LARP1B: variants seen among roughly 807,000 people sequenced by gnomAD.
LARP1B encodes the protein la-related protein 1B.
A neutral mutation model predicts 114.2 loss-of-function variants in LARP1B; 76 were observed. The observed-to-expected ratio is 0.67, with a 90% CI of 0.55 to 0.81. The LOEUF (loss-of-function observed/expected upper bound fraction) is 0.81, where lower values mean the gene tolerates loss of function less well. Ranked by LOEUF, LARP1B falls within the 30% of genes least tolerant of loss-of-function variation. The pLI is 0.00. For synonymous variants in LARP1B, 345 were observed against 348.0 expected (o/e 0.99, Z 0.10); for missense variants, 1,014 against 1,075.8 (o/e 0.94, Z 0.80).
At chr4:128,193,310 T>C (rs1485985874) in intron 15 of LARP1B, among the ~76,000 whole-genome samples, 2 of 152,210 alleles carry the variant, frequency 1.3e-5, no homozygotes, top group Admixed American at 1.3e-4. Context: ...CTAAATGCCA[T>C]TGAGAATCTG....
In LARP1B at chr4:128,157,833, C is replaced by G. The variant is rs762786136; in HGVS notation, c.1525-4361C>G. Among the ~76,000 whole-genome samples, 5 of 151,980 alleles carry G rather than the reference C, an allele frequency of 3.3e-5. No individual in the cohort carries two copies. In the South Asian group the frequency reaches 1.0e-3, roughly 32 times the overall value. ...AGAGATATTATCAGAGAAATGAAAACTATGAAAATTTATTTGCAGCAGATC... is the reference window on the plus strand; with the variant it reads ...AGAGATATTATCAGAGAAATGAAAAGTATGAAAATTTATTTGCAGCAGATC... On this transcript the variant is annotated intron_variant, in intron 11 of 19. Coordinates refer to ENST00000326639, the MANE Select transcript of LARP1B (RefSeq NM_018078.4).
At chr4:128,130,265 A>G (rs965739687) in intron 11 of LARP1B, among the ~76,000 whole-genome samples, 1 of 152,204 alleles carries the variant, frequency 6.6e-6, no homozygotes, top group African/African-American at 2.4e-5. Context: ...ATAGAGGGCT[A>G]TTATCCAAAA....
At chr4:128,178,223 A>T (rs1747088360) in intron 13 of LARP1B, among the ~76,000 whole-genome samples, 1 of 151,692 alleles carries the variant, frequency 6.6e-6, no homozygotes, top group African/African-American at 2.4e-5. Context: ...CTTTAAAAGA[A>T]AAAAAGGTCA....
chr4:128,118,308 T>C (rs1024623847), intron 10 of LARP1B, among the ~76,000 whole-genome samples: 2 of 148,228 alleles, frequency 1.3e-5, no homozygotes, highest in African/African-American at 5.0e-5. Flanking sequence ...CTCGGCTCCC[T>C]GCAACCTTCA....
At chr4:128,166,824 T>G (rs980911716) in intron 12 of LARP1B, among the ~76,000 whole-genome samples, 11 of 151,338 alleles carry the variant, frequency 7.3e-5, no homozygotes, top group Non-Finnish European at 1.2e-4. Flanking sequence ...ATGAAGTATT[T>G]TTCTTTCTGT....
At chr4:128,143,713 G>A (rs988432095) in intron 11 of LARP1B, among the ~76,000 whole-genome samples, 1 of 151,984 alleles carries the variant, frequency 6.6e-6, no homozygotes, top group African/African-American at 2.4e-5. Flanking sequence ...TCAAATGTAT[G>A]AGTATATTGC....
chr4:128,200,583 T>C lies in LARP1B; in HGVS notation c.2227T>C (p.Phe743Leu), dbSNP rs1308799299. The change falls in exon 17 of 20, where the codon TTT becomes CTT. Residue 743 changes from phenylalanine (F) to leucine (L), a missense_variant. Coordinates refer to ENST00000326639, the MANE Select transcript of LARP1B (RefSeq NM_018078.4). ...GAATACCCTCTTTCGTTTCTGGTCCTTTTTCCTCAGAGATCACTTCAATAA... is the reference window on the plus strand; with the variant it reads ...GAATACCCTCTTTCGTTTCTGGTCCCTTTTCCTCAGAGATCACTTCAATAA... ...EMNTLFRFWS[F>L]FLRDHFNKKM... 2.5e-6 allele frequency: 4 copies of C among 1,590,986 alleles called. No homozygotes were observed. The highest frequency in any genetic ancestry group is 3.4e-6 in the Non-Finnish European group (4 of 1,168,242).
At chr4:128,087,904 TTTTTTC>T (rs1224854222) in intron 5 of LARP1B, among the ~76,000 whole-genome samples, 1 of 152,016 alleles carries the variant, frequency 6.6e-6, no homozygotes, top group Non-Finnish European at 1.5e-5. Context: ...AAAATTGACT[TTTTTTC>T]TATTGTTTTT....
At chr4:128,101,626 T>C (rs1189494820) in intron 8 of LARP1B, among the ~76,000 whole-genome samples, 1 of 151,816 alleles carries the variant, frequency 6.6e-6, no homozygotes, top group Non-Finnish European at 1.5e-5. Flanking sequence ...AGAATGAGTT[T>C]ATTTATTTAC....
chr4:128,090,074 CT>C (rs778984219), intron 5 of LARP1B, among the ~76,000 whole-genome samples: 429 of 119,106 alleles, frequency 3.6e-3, no homozygotes, highest in East Asian at 0.015. Flanking sequence ...CACCGGGCCT[CT>C]TTTTTTTTTT....
At chr4:128,069,272 G>C in intron 1 of LARP1B, 1 of 958,816 alleles carries the variant, frequency 1.0e-6, no homozygotes, top group Non-Finnish European at 1.7e-6. Flanking sequence ...CACCAACCCA[G>C]TGAGAATTCA....
chr4:128,188,220 A>G (rs1383882618), intron 15 of LARP1B, among the ~76,000 whole-genome samples: 1 of 151,908 alleles, frequency 6.6e-6, no homozygotes, highest in East Asian at 1.9e-4. Flanking sequence ...GATTACAGGC[A>G]TGCACCACCA....
In LARP1B at chr4:128,082,250, A is replaced by T. The variant is rs1489507996; in HGVS notation, c.303A>T (p.Arg101Ser). 1.3e-5 allele frequency: 21 copies of T among 1,613,656 alleles called. No homozygotes were observed. Among genetic ancestry groups the T allele is most frequent in the Admixed American group, 8.3e-5 (5 of 60,004 alleles). ...QERPGSRNSS[R>S]CQPEANKPTH... ...GACCTGGATCCCGGAACAGCTCAAG[A>T]TGTCAACCTGAAGCAAATAAACCAA... is the stretch of plus-strand genomic sequence containing the variant. Residue 101 changes from arginine (R) to serine (S), a missense_variant, in exon 5 of 20, where the codon AGA becomes AGT. Transcript: ENST00000326639.
chr4:128,145,195 C>G (rs1195728902), intron 11 of LARP1B, among the ~76,000 whole-genome samples: 3 of 152,198 alleles, frequency 2.0e-5, no homozygotes, highest in Admixed American at 2.0e-4. Context: ...AGAACTTAAC[C>G]TCCAAATTCT....
At chr4:128,155,762 G>A in intron 11 of LARP1B, 1 of 1,605,954 alleles carries the variant, frequency 6.2e-7, no homozygotes, top group South Asian at 1.1e-5. Flanking sequence ...TGTAGGAACT[G>A]GAGGAAGGAA....
intron 12 of LARP1B, among the ~76,000 whole-genome samples, chr4:128,163,688 A>G (rs1311485922): frequency 6.6e-6 from 1 of 152,122 alleles, no homozygotes; most frequent in Non-Finnish European, 1.5e-5. Context: ...CTGGTGACTA[A>G]TGAAGTTTTT....
intron 11 of LARP1B, among the ~76,000 whole-genome samples, chr4:128,128,053 G>A (rs780561136): frequency 1.9e-4 from 29 of 152,250 alleles, no homozygotes; most frequent in Non-Finnish European, 3.8e-4. Flanking sequence ...CAACAACTGG[G>A]ACTCTGTCAA....
At chr4:128,135,756 A>G (rs1170219105) in intron 11 of LARP1B, among the ~76,000 whole-genome samples, 1 of 152,202 alleles carries the variant, frequency 6.6e-6, no homozygotes, top group Non-Finnish European at 1.5e-5. Flanking sequence ...GGTAGTTGCC[A>G]GGAGCTGAAG....
chr4:128,137,639 A>G (rs1413898374), intron 11 of LARP1B, among the ~76,000 whole-genome samples: 2 of 151,986 alleles, frequency 1.3e-5, no homozygotes, highest in Admixed American at 6.6e-5. Flanking sequence ...ATACATGCAT[A>G]CAATGTGTAA....
Sources: allele counts gnomAD v4.1 joint callset (sites outside exome capture counted in the v4.1 genomes callset), GRCh38; gene constraint gnomAD v4.1.1; transcripts MANE v1.5; gene names NCBI Gene and HGNC (gene_info 2026-07-23, HGNC 2026-07-21).